The following MAP3K15 variants were observed in gnomAD, a reference collection of about 807,000 sequenced individuals.
MAP3K15 encodes MAPK/ERK kinase kinase 15.
MAP3K15 carries 124 observed loss-of-function variants against 99.5 expected under a neutral mutation model. That is an observed-to-expected ratio of 1.25 (90% CI 1.08 to 1.45). MAP3K15 has a LOEUF of 1.45. MAP3K15 is among the 40% of genes most tolerant of loss of function. The pLI, the probability that MAP3K15 is intolerant of heterozygous loss-of-function variation, is 0.00. For missense variants in MAP3K15, 1,242 were observed against 1,079.7 expected (o/e 1.15, Z -2.11); for synonymous variants, 494 against 439.6 (o/e 1.12, Z -1.55).
At chrX:19,378,824 C>G (rs2147226782) in intron 19 of MAP3K15, among the ~76,000 whole-genome samples, 1 of 111,728 alleles carries the variant, frequency 9.0e-6, no homozygotes, top group South Asian at 3.8e-4. Flanking sequence ...GCGGTAAAAC[C>G]CCCACCCGCA....
chrX:19,472,214 ACT>A (rs1159626347), intron 3 of MAP3K15, among the ~76,000 whole-genome samples: 9 of 99,788 alleles, frequency 9.0e-5, no homozygotes, highest in East Asian at 6.3e-4. Context: ...ATAGAGCGAG[ACT>A]CTGTCTCAAA....
At chrX:19,418,099 G>T (rs993583693) in intron 9 of MAP3K15, among the ~76,000 whole-genome samples, 2 of 111,736 alleles carry the variant, frequency 1.8e-5, no homozygotes, top group Non-Finnish European at 3.8e-5. Flanking sequence ...GGAAGAAACA[G>T]AGCAGAAAAA....
chrX:19,500,146 C>T (rs2064431668), intron 1 of MAP3K15, among the ~76,000 whole-genome samples: 1 of 111,731 alleles, frequency 9.0e-6, no homozygotes, highest in South Asian at 3.8e-4. Context: ...ACTCAGGAAG[C>T]TGAGGGAAGA....
In MAP3K15 at chrX:19,400,582, G is replaced by C. The variant is rs56177884; in HGVS notation, c.1926C>G (p.Thr642=). 1 of 1,195,243 alleles carries C rather than the reference G, an allele frequency of 8.4e-7. No individual in the cohort carries two copies. The highest frequency in any genetic ancestry group is 2.2e-5 in the Admixed American group (1 of 45,690). ...VELEGETDGD[T]LEYEYDHDAN... ...TAGATCGTCCATGACTCACCTCCAA[G>C]GTGTCTCCATCGGTCTCTCCCTCCA... The change falls in exon 14 of 29, where the codon ACC becomes ACG. Residue 642 remains threonine (T), a synonymous_variant. Coordinates refer to ENST00000338883, the MANE Select transcript of MAP3K15 (RefSeq NM_001001671.4).
intron 1 of MAP3K15, chrX:19,496,803 T>C (rs1374208138): frequency 9.0e-6 from 1 of 111,650 alleles, no homozygotes; most frequent in Non-Finnish European, 1.9e-5. Flanking sequence ...TTAAAGATCA[T>C]CACTAAGCAT....
chrX:19,456,635 A>C (rs994053481), intron 6 of MAP3K15, among the ~76,000 whole-genome samples: 3 of 112,460 alleles, frequency 2.7e-5, no homozygotes, highest in African/African-American at 9.7e-5. Flanking sequence ...GATTTAAAAA[A>C]GAGATGTGAC....
chrX:19,491,400 C>T (rs926258371), intron 1 of MAP3K15, among the ~76,000 whole-genome samples: 8 of 111,087 alleles, frequency 7.2e-5, no homozygotes, highest in Non-Finnish European at 1.3e-4. Context: ...CACACCTGAG[C>T]GGAGGGCAAT....
rs768124794 is a variant in MAP3K15 at position 19,370,966 on chromosome X, G to A, written c.3393C>T (p.Leu1131=). 6.7e-6 allele frequency: 8 copies of A among 1,187,687 alleles called. No homozygotes were observed. The highest frequency in any genetic ancestry group is 5.5e-5 in the South Asian group (3 of 54,121). Residue 1131 remains leucine (L), a synonymous_variant, in exon 24 of 29, where the codon CTC becomes CTT. Transcript: ENST00000338883. ...RRAVQAAVTI[L]IPELRAHFEP... ...CACAAAGGGGGCGCTCACCTGGGATGAGAATGGTGACCGCGGCCTGCACCG... is the reference window on the plus strand; with the variant it reads ...CACAAAGGGGGCGCTCACCTGGGATAAGAATGGTGACCGCGGCCTGCACCG...
Position 19,400,635 on chromosome X carries a change from T to C in MAP3K15, c.1873A>G (p.Thr625Ala). The C allele has an allele frequency of 8.3e-7, 1 of 1,206,951 alleles. No individual in the cohort carries two copies. The highest frequency in any genetic ancestry group is 1.1e-6 in the Non-Finnish European group (1 of 892,203). The change falls in exon 14 of 29, where the codon ACC becomes GCC. Residue 625 changes from threonine (T) to alanine (A), a missense_variant. Coordinates refer to ENST00000338883, the MANE Select transcript of MAP3K15 (RefSeq NM_001001671.4). ...TCCACCGTACTGCCTGCTGTATTGG[T>C]TATCATCTCTTTGACCAAAGAGAAA... Reference protein sequence around the residue: ...RFFSLVKEMITNTAGSTVELE... With the variant: ...RFFSLVKEMIANTAGSTVELE...
At chrX:19,442,810 C>G (rs111796137) in intron 6 of MAP3K15, among the ~76,000 whole-genome samples, 2 of 106,063 alleles carry the variant, frequency 1.9e-5, no homozygotes, top group African/African-American at 6.8e-5. Flanking sequence ...GCAATCTCCA[C>G]TTCCCGGGTT....
chrX:19,365,232 C>T (rs755303116), intron 25 of MAP3K15, among the ~76,000 whole-genome samples: 2 of 110,000 alleles, frequency 1.8e-5, no homozygotes, highest in Non-Finnish European at 3.8e-5. Flanking sequence ...AAAAGTTCTT[C>T]GACCTACTTT....
chrX:19,421,459 A>G (rs1239627526), intron 9 of MAP3K15, among the ~76,000 whole-genome samples: 1 of 110,625 alleles, frequency 9.0e-6, no homozygotes, highest in Non-Finnish European at 1.9e-5. Flanking sequence ...ATACCTAGGA[A>G]TCCAACTTAC....
intron 6 of MAP3K15, among the ~76,000 whole-genome samples, chrX:19,444,187 T>C (rs138750652): frequency 8.9e-6 from 1 of 112,236 alleles, no homozygotes; most frequent in African/African-American, 3.2e-5. Flanking sequence ...TAAAATAATA[T>C]TTAGTGCATG....
Position 19,398,292 on chromosome X carries a change from T to C in MAP3K15, c.2000A>G (p.Tyr667Cys). Residue 667 changes from tyrosine to cysteine, a missense_variant, in exon 15 of 29, where the codon TAT becomes TGT. Physicochemically the swap from Tyr to Cys is radical, Grantham distance 194. Transcript: ENST00000338883. ...VLGKGTYGIVYAGRDLSNQVR... is the reference protein window; with the variant it reads ...VLGKGTYGIVCAGRDLSNQVR... ...TTGATTGCTCAGATCTCGGCCAGCA[T>C]ACACAATCCCATACGTGCCTTTCCC... 1 of 1,211,220 alleles carries C rather than the reference T, an allele frequency of 8.3e-7. No individual in the cohort carries two copies. Among genetic ancestry groups the C allele is most frequent in the Non-Finnish European group, 1.1e-6 (1 of 895,283 alleles).
chrX:19,369,506 T>G (rs2063359279), intron 24 of MAP3K15, among the ~76,000 whole-genome samples: 1 of 112,263 alleles, frequency 8.9e-6, no homozygotes, highest in African/African-American at 3.2e-5. Context: ...AGCAATGGCT[T>G]ACACCTGTAA....
At chrX:19,491,987 CTT>C (rs534024822) in intron 1 of MAP3K15, among the ~76,000 whole-genome samples, 11 of 97,349 alleles carry the variant, frequency 1.1e-4, no homozygotes, top group Admixed American at 2.3e-4. Context: ...CACCTGGCTA[CTT>C]TTTTTTTTTT....
At chrX:19,511,294 G>A (rs1204879024) in intron 1 of MAP3K15, among the ~76,000 whole-genome samples, 4 of 111,769 alleles carry the variant, frequency 3.6e-5, no homozygotes, top group African/African-American at 6.5e-5. Context: ...CAAAAGCAAC[G>A]GCAACAAAAG....
Position 19,362,639 on chromosome X carries a change from G to A in MAP3K15, c.3679+99C>T, listed in dbSNP as rs761855984. The A allele has an allele frequency of 5.7e-4, 297 of 516,854 alleles. 1 individual carries two copies. Among genetic ancestry groups the A allele is most frequent in the Non-Finnish European group, 8.1e-4 (244 of 301,182 alleles). The allele number at this position is 516,854 out of a possible 1,213,427, so 42.6% of individuals were successfully genotyped here. A position where few individuals can be genotyped will look rare whatever the true frequency, so the allele number is the denominator to read the frequency against. ...ATTGAGAAGTAGTCTAGAATCTACT[G>A]GAGTCCTGGATTAACAGAAGATAAC... On this transcript the variant is annotated intron_variant, in intron 26 of 28. Coordinates refer to ENST00000338883, the MANE Select transcript of MAP3K15 (RefSeq NM_001001671.4).
intron 9 of MAP3K15, 25 bp from the exon 10 acceptor site, chrX:19,415,282 T>C (rs771333187): frequency 1.5e-5 from 17 of 1,126,774 alleles, no homozygotes; most frequent in South Asian, 1.5e-4. Flanking sequence ...AACAGCAATA[T>C]ATTGGATTCC....
Sources: gnomAD v4.1 joint callset for allele counts (sites outside exome capture counted in the v4.1 genomes callset) on GRCh38, gnomAD v4.1.1 for gene constraint, MANE v1.5 for transcripts, NCBI Gene and HGNC (gene_info 2026-07-23, HGNC 2026-07-21) for gene names.